DCC: variants seen among roughly 807,000 people sequenced by gnomAD.
DCC encodes the protein DCC netrin 1 receptor, also known as netrin receptor DCC.
Under a neutral mutation model 172.5 loss-of-function variants are expected in DCC, and 58 were observed. The ratio of observed to expected loss-of-function variants is 0.34; its 90% CI spans 0.27 to 0.42. The LOEUF (loss-of-function observed/expected upper bound fraction) is 0.42. DCC is among the 10% of genes least tolerant of loss of function. DCC has a pLI of 1.00. For synonymous variants in DCC, 709 were observed against 644.5 expected (o/e 1.10, Z -1.52); for missense variants, 1,740 against 1,791.0 (o/e 0.97, Z 0.51).
At chr18:53,090,725 AAAAAAAAAAG>A (rs1568298464) in intron 7 of DCC, among the ~76,000 whole-genome samples, 16 of 135,464 alleles carry the variant, frequency 1.2e-4, no homozygotes, top group Non-Finnish European at 2.0e-4. Context: ...AAAAAAAAAA[AAAAAAAAAAG>A]AATGTATCGT....
intron 26 of DCC, among the ~76,000 whole-genome samples, chr18:53,498,629 C>T (rs1273164124): frequency 6.6e-6 from 1 of 150,908 alleles, no homozygotes; most frequent in Non-Finnish European, 1.5e-5. Context: ...CTCACAGTAA[C>T]CGTGCAGAAC....
At chr18:52,517,882 G>T (rs2031690114) in intron 1 of DCC, among the ~76,000 whole-genome samples, 1 of 152,130 alleles carries the variant, frequency 6.6e-6, no homozygotes, top group African/African-American at 2.4e-5. Flanking sequence ...CCATGCCATT[G>T]ATTATGCTTG....
In DCC at chr18:53,448,030, T is replaced by G. The variant is rs2145144447; in HGVS notation, c.3230-2470T>G. Reference sequence around the variant, plus strand: ...CAATAATAATGAATGAGCTATAATTTATTTAAATTTTGATGAGTTTTTTTT... The same window carrying G: ...CAATAATAATGAATGAGCTATAATTGATTTAAATTTTGATGAGTTTTTTTT... On this transcript the variant is annotated intron_variant, in intron 22 of 28. Coordinates refer to ENST00000442544, the MANE Select transcript of DCC (RefSeq NM_005215.4). 2.7e-5 allele frequency among the ~76,000 whole-genome samples: 4 copies of G among 150,598 alleles called. 1 individual carries two copies. The South Asian group carries it at 8.4e-4, about 31-fold the overall frequency.
At position 53,364,362 on chromosome 18, in the gene DCC, G is replaced by GT. The variant is rs560908647; in HGVS notation, c.2360-21674dup. ...TCATAATTAGCAGGAAATTGCCCCT[G>GT]TTTTTTTCAGGGAAACATAGCTGCA... On this transcript the variant is annotated intron_variant, in intron 15 of 28. Coordinates refer to ENST00000442544, the MANE Select transcript of DCC (RefSeq NM_005215.4). Among the ~76,000 whole-genome samples, 358 of 151,544 alleles carry GT rather than the reference G, an allele frequency of 2.4e-3. 5 individuals are homozygous for GT. The highest frequency in any genetic ancestry group is 0.019 in the Admixed American group (282 of 15,228).
chr18:52,928,019 T>C (rs1048541791), intron 5 of DCC, among the ~76,000 whole-genome samples: 2 of 152,098 alleles, frequency 1.3e-5, no homozygotes, highest in African/African-American at 4.8e-5. Flanking sequence ...TCAACCTAAA[T>C]GCCAATCAGT....
At chr18:53,065,550 G>A (rs991100626) in intron 6 of DCC, among the ~76,000 whole-genome samples, 2 of 152,032 alleles carry the variant, frequency 1.3e-5, no homozygotes, top group African/African-American at 4.8e-5. Context: ...AATATTTAAA[G>A]AATTTTTAGA....
At chr18:53,072,698 C>A (rs972188811) in intron 7 of DCC, among the ~76,000 whole-genome samples, 6 of 152,148 alleles carry the variant, frequency 3.9e-5, no homozygotes, top group Non-Finnish European at 8.8e-5. Flanking sequence ...TCCATATAAT[C>A]ATAACAAGAA....
intron 26 of DCC, among the ~76,000 whole-genome samples, chr18:53,488,990 C>T (rs1362718153): frequency 6.6e-6 from 1 of 151,428 alleles, no homozygotes; most frequent in Non-Finnish European, 1.5e-5. Flanking sequence ...AACCGCATCT[C>T]TACTAAAAAT....
At chr18:52,880,714 A>G (rs1234330584) in intron 2 of DCC, among the ~76,000 whole-genome samples, 1 of 152,192 alleles carries the variant, frequency 6.6e-6, no homozygotes, top group African/African-American at 2.4e-5. Flanking sequence ...ATGGCTGAAT[A>G]GTACTCCATT....
rs570145231 is a variant in DCC at position 52,593,598 on chromosome 18, C to G, written c.92-158456C>G. Among the ~76,000 whole-genome samples, 360 of 152,182 alleles carry G rather than the reference C, an allele frequency of 2.4e-3. 2 individuals are homozygous for G. The highest frequency in any genetic ancestry group is 6.8e-3 in the Middle Eastern group (2 of 294). On this transcript the variant is annotated intron_variant, in intron 1 of 28. Transcript: ENST00000442544. ...AAAATTTAATATTTACATGTATAAC[C>G]TAACATCAATGCATTAATCTTAACA...
chr18:53,357,827 C>T (rs879760452), intron 15 of DCC, among the ~76,000 whole-genome samples: 32 of 152,054 alleles, frequency 2.1e-4, no homozygotes, highest in Non-Finnish European at 3.2e-4. Flanking sequence ...TTTCAGACTG[C>T]GGGATCAGAA....
chr18:53,103,707 A>G (rs538969337), intron 7 of DCC, among the ~76,000 whole-genome samples: 4 of 152,188 alleles, frequency 2.6e-5, no homozygotes, highest in Non-Finnish European at 5.9e-5. Context: ...TTGTTCCTCT[A>G]ATTTAAAGTT....
chr18:52,731,066 A>C (rs1170949234), intron 1 of DCC, among the ~76,000 whole-genome samples: 1 of 152,188 alleles, frequency 6.6e-6, no homozygotes, highest in Non-Finnish European at 1.5e-5. Flanking sequence ...TTGGCTATAA[A>C]TCACAGCCAC....
At chr18:52,867,355 C>G (rs767460234) in intron 2 of DCC, among the ~76,000 whole-genome samples, 2 of 152,056 alleles carry the variant, frequency 1.3e-5, no homozygotes, top group African/African-American at 2.4e-5. Context: ...TTTGTTGTGT[C>G]TCTGTCAGGT....
At chr18:53,449,572 A>C (rs2045380230) in intron 22 of DCC, among the ~76,000 whole-genome samples, 1 of 152,260 alleles carries the variant, frequency 6.6e-6, no homozygotes, top group Admixed American at 6.5e-5. Context: ...ATGGTGGTAA[A>C]TTGTGAGTGA....
intron 1 of DCC, among the ~76,000 whole-genome samples, chr18:52,498,051 C>G (rs1228565331): frequency 6.6e-6 from 1 of 152,158 alleles, no homozygotes; most frequent in Non-Finnish European, 1.5e-5. Flanking sequence ...TGTGGCTGTG[C>G]TATAATAAAA....
chr18:53,505,304 A>G (rs918390920), intron 27 of DCC: 4 of 152,192 alleles, frequency 2.6e-5, no homozygotes, highest in Admixed American at 2.0e-4. Flanking sequence ...TGCTTTCACC[A>G]TCACTGATGG....
At chr18:52,833,703 T>C (rs1412644616) in intron 2 of DCC, among the ~76,000 whole-genome samples, 4 of 152,210 alleles carry the variant, frequency 2.6e-5, no homozygotes, top group Non-Finnish European at 5.9e-5. Flanking sequence ...GACTTCAAAC[T>C]GTTTAAAAAC....
chr18:52,842,569 T>A (rs1483550878), intron 2 of DCC, among the ~76,000 whole-genome samples: 1 of 152,198 alleles, frequency 6.6e-6, no homozygotes, highest in East Asian at 1.9e-4. Context: ...GGAAACACCC[T>A]CATAGACACC....
Sources: gnomAD v4.1 joint callset for allele counts (sites outside exome capture counted in the v4.1 genomes callset) on GRCh38, gnomAD v4.1.1 for gene constraint, MANE v1.5 for transcripts, NCBI Gene and HGNC (gene_info 2026-07-23, HGNC 2026-07-21) for gene names.